The following TNFAIP8 variants were observed in gnomAD, a reference collection of about 807,000 sequenced individuals.
TNFAIP8 encodes TNF alpha induced protein 8.
TNFAIP8 carries 7 observed loss-of-function variants against 13.3 expected under a neutral mutation model. The ratio of observed to expected loss-of-function variants is 0.52; its 90% CI spans 0.30 to 0.99. TNFAIP8 has a LOEUF of 0.99. Among genes scored for constraint, TNFAIP8 ranks in the 50% least tolerant of loss-of-function variants. TNFAIP8 has a pLI of 0.07. For missense variants in TNFAIP8, 258 were observed against 236.9 expected (o/e 1.09, Z -0.58); for synonymous variants, 94 against 87.6 (o/e 1.07, Z -0.41).
chr5:119,383,897 T>C (rs1168978432), intron 1 of TNFAIP8, among the ~76,000 whole-genome samples: 7 of 152,234 alleles, frequency 4.6e-5, no homozygotes, highest in African/African-American at 9.6e-5. Flanking sequence ...TTGATCTTCC[T>C]TATGGTCTGT....
chr5:119,315,513 G>T (rs1173424362), intron 1 of TNFAIP8, among the ~76,000 whole-genome samples: 3 of 152,202 alleles, frequency 2.0e-5, no homozygotes, highest in Non-Finnish European at 4.4e-5. Flanking sequence ...ATAACCAGTA[G>T]ATTGGCACAC....
At chr5:119,279,572 A>G (rs1748567204) in intron 1 of TNFAIP8, among the ~76,000 whole-genome samples, 1 of 151,860 alleles carries the variant, frequency 6.6e-6, no homozygotes, top group Non-Finnish European at 1.5e-5. Context: ...TTTTTTATTT[A>G]TTATATGTGT....
chr5:119,310,189 A>G (rs1749686331), intron 1 of TNFAIP8, among the ~76,000 whole-genome samples: 2 of 152,338 alleles, frequency 1.3e-5, no homozygotes, highest in South Asian at 4.1e-4. Context: ...TTGCTGATGT[A>G]GAGGTTAGGA....
intron 1 of TNFAIP8, among the ~76,000 whole-genome samples, chr5:119,298,283 C>T (rs1255372706): frequency 4.6e-5 from 7 of 151,906 alleles, no homozygotes; most frequent in African/African-American, 1.7e-4. Context: ...CCTTCAGGAG[C>T]TCTTTTAGGG....
chr5:119,297,487 C>A (rs899948595), intron 1 of TNFAIP8, among the ~76,000 whole-genome samples: 3 of 152,202 alleles, frequency 2.0e-5, no homozygotes, highest in African/African-American at 7.2e-5. Flanking sequence ...GTTATAATTT[C>A]TGTTCTTTTA....
chr5:119,346,229 A>G (rs1405156694), intron 1 of TNFAIP8, among the ~76,000 whole-genome samples: 1 of 152,162 alleles, frequency 6.6e-6, no homozygotes, highest in Non-Finnish European at 1.5e-5. Context: ...TGCAAAATCA[A>G]CCGAGAGGGA....
intron 1 of TNFAIP8, among the ~76,000 whole-genome samples, chr5:119,390,186 C>T (rs1752840222): frequency 6.6e-6 from 1 of 151,844 alleles, no homozygotes; most frequent in African/African-American, 2.4e-5. Context: ...TAGACTGTGC[C>T]ATGTTCTAAA....
rs180823730 is a variant in TNFAIP8 at position 119,393,234 on chromosome 5, G to T, written c.450G>T (p.Lys150Asn). 1.2e-6 allele frequency: 2 copies of T among 1,614,012 alleles called. No individual in the cohort carries two copies. The highest frequency in any genetic ancestry group is 2.2e-5 in the South Asian group (2 of 91,092). ...HQIIQRHLTA[K>N]SHGRVNNVFD... Reference sequence around the variant, plus strand: ...TCATTCAGCGCCACCTCACTGCCAAGTCACATGGACGGGTTAATAATGTGT... The same window carrying T: ...TCATTCAGCGCCACCTCACTGCCAATTCACATGGACGGGTTAATAATGTGT... Residue 150 changes from lysine to asparagine, a missense_variant, in exon 2 of 2, where the codon AAG becomes AAT. Coordinates refer to ENST00000504771, the MANE Select transcript of TNFAIP8 (RefSeq NM_014350.4).
intron 1 of TNFAIP8, among the ~76,000 whole-genome samples, chr5:119,276,083 T>A (rs547157472): frequency 2.6e-5 from 4 of 151,922 alleles, no homozygotes; most frequent in Non-Finnish European, 5.9e-5. Context: ...CACTGAATTT[T>A]ACGCTTTAAT....
At chr5:119,301,718 A>C (rs950438430) in intron 1 of TNFAIP8, among the ~76,000 whole-genome samples, 1 of 152,234 alleles carries the variant, frequency 6.6e-6, no homozygotes, top group Non-Finnish European at 1.5e-5. Flanking sequence ...ACATTTAACA[A>C]GTCATCTTTA....
chr5:119,388,021 T>C (rs1752746329), intron 1 of TNFAIP8, among the ~76,000 whole-genome samples: 2 of 152,238 alleles, frequency 1.3e-5, no homozygotes, highest in Admixed American at 6.5e-5. Context: ...CCTGTTTACA[T>C]CTTAGTTGCT....
intron 1 of TNFAIP8, among the ~76,000 whole-genome samples, chr5:119,283,763 G>A (rs1179057425): frequency 6.6e-6 from 1 of 152,134 alleles, no homozygotes; most frequent in Non-Finnish European, 1.5e-5. Flanking sequence ...CTGCCCTAGT[G>A]AATTTCTTCC....
chr5:119,388,850 C>T (rs919070889), intron 1 of TNFAIP8, among the ~76,000 whole-genome samples: 3 of 150,774 alleles, frequency 2.0e-5, no homozygotes, highest in African/African-American at 7.3e-5. Context: ...TGCTATGTTG[C>T]CCAGGCTGGT....
chr5:119,333,409 C>A, intron 1 of TNFAIP8: 2 of 1,360,394 alleles, frequency 1.5e-6, no homozygotes. Flanking sequence ...CCAGTGCCTT[C>A]TGTGCATTTA....
intron 1 of TNFAIP8, chr5:119,333,411 G>T (rs1260274746): frequency 2.8e-5 from 38 of 1,362,330 alleles, no homozygotes; most frequent in Non-Finnish European, 3.3e-5. Flanking sequence ...AGTGCCTTCT[G>T]TGCATTTATG....
intron 1 of TNFAIP8, among the ~76,000 whole-genome samples, chr5:119,291,689 A>C (rs1353971818): frequency 6.6e-6 from 1 of 152,216 alleles, no homozygotes; most frequent in East Asian, 1.9e-4. Flanking sequence ...GATTTGGGGC[A>C]GAGTTTTTTC....
chr5:119,366,856 AG>A (rs1440367511), intron 1 of TNFAIP8, among the ~76,000 whole-genome samples: 1 of 152,192 alleles, frequency 6.6e-6, no homozygotes, highest in Admixed American at 6.5e-5. Context: ...CTAGAAGTAT[AG>A]GGGTGATTAC....
intron 1 of TNFAIP8, among the ~76,000 whole-genome samples, chr5:119,390,750 A>G (rs1190974576): frequency 6.6e-6 from 1 of 152,144 alleles, no homozygotes; most frequent in Non-Finnish European, 1.5e-5. Context: ...AGCTGCCTCT[A>G]CTATATACCA....
At chr5:119,368,660 T>G (rs1289587561) in intron 1 of TNFAIP8, among the ~76,000 whole-genome samples, 2 of 152,218 alleles carry the variant, frequency 1.3e-5, no homozygotes, top group Non-Finnish European at 2.9e-5. Context: ...GGAAAGATGA[T>G]TTGAAATACA....
Sources: gnomAD v4.1 joint callset for allele counts (sites outside exome capture counted in the v4.1 genomes callset) on GRCh38, gnomAD v4.1.1 for gene constraint, MANE v1.5 for transcripts, NCBI Gene and HGNC (gene_info 2026-07-23, HGNC 2026-07-21) for gene names.